The following PPP2R2B variants were observed in gnomAD, a reference collection of about 807,000 sequenced individuals.
The protein encoded by PPP2R2B is serine/threonine-protein phosphatase 2A 55 kDa regulatory subunit B beta isoform.
Under a neutral mutation model 46.0 loss-of-function variants are expected in PPP2R2B, and 5 were observed. The observed-to-expected ratio is 0.11, with a 90% CI of 0.06 to 0.23. PPP2R2B has a LOEUF of 0.23. PPP2R2B is among the 10% of genes least tolerant of loss of function. PPP2R2B has a pLI of 1.00. For synonymous variants in PPP2R2B, 215 were observed against 206.7 expected, an observed-to-expected ratio of 1.04 and a Z score of -0.34; for missense variants, 367 against 575.0, an observed-to-expected ratio of 0.64 and a Z score of 3.70.
intron 1 of PPP2R2B, among the ~76,000 whole-genome samples, chr5:147,016,733 T>A (rs1755025186): frequency 6.6e-6 from 1 of 151,456 alleles, no homozygotes; most frequent in Non-Finnish European, 1.5e-5. Context: ...TGAAAACTAG[T>A]CAAAAGAAGG....
At chr5:146,938,605 ATTTACATTTCATG>A (rs1236849283) in intron 1 of PPP2R2B, among the ~76,000 whole-genome samples, 2 of 152,158 alleles carry the variant, frequency 1.3e-5, no homozygotes, top group Admixed American at 6.5e-5. Context: ...GAAAAAATAT[ATTTACATTTCATG>A]TTTACATAGG....
rs528135562 is a variant in PPP2R2B at position 146,973,002 on chromosome 5, A to C, written c.79+82663T>G. 3.3e-5 allele frequency among the ~76,000 whole-genome samples: 5 copies of C among 152,234 alleles called. No homozygotes were observed. The South Asian group carries it at 1.0e-3, about 32-fold the overall frequency. ...AAAATTTTATGTAATAAAATGTATT[A>C]GTTTCTCTTATGAGTTATGGTTTAT... is the stretch of plus-strand genomic sequence containing the variant. On this transcript the variant is annotated intron_variant, in intron 1 of 8. Transcript: ENST00000336640.
At chr5:146,790,884 G>A (rs1756156168) in intron 2 of PPP2R2B, among the ~76,000 whole-genome samples, 4 of 152,184 alleles carry the variant, frequency 2.6e-5, no homozygotes, top group Admixed American at 2.6e-4. Flanking sequence ...TTGAGGAACA[G>A]TCAGACCTTC....
At chr5:147,056,020 G>T (rs1252912388), upstream of PPP2R2B, 4 of 1,251,364 alleles carry the variant, frequency 3.2e-6, no homozygotes, top group Non-Finnish European at 4.0e-6. Context: ...CCTCTGAACA[G>T]GATTTGCTGA....
chr5:146,590,396 G>GTT (rs1561746835), intron 9 of PPP2R2B, among the ~76,000 whole-genome samples, 170 bp from the exon 10 acceptor site: 1 of 125,762 alleles, frequency 8.0e-6, no homozygotes, highest in African/African-American at 3.2e-5. Flanking sequence ...TTTTTTTTTT[G>GTT]TGTTTTTTTT....
chr5:146,985,056 T>A (rs1387119731), intron 1 of PPP2R2B, among the ~76,000 whole-genome samples: 1 of 148,758 alleles, frequency 6.7e-6, no homozygotes, highest in Non-Finnish European at 1.5e-5. Context: ...AGTCTCACTC[T>A]GTCAACCAGG....
At chr5:146,709,447 G>A (rs1780093842) in intron 2 of PPP2R2B, among the ~76,000 whole-genome samples, 1 of 152,130 alleles carries the variant, frequency 6.6e-6, no homozygotes, top group Non-Finnish European at 1.5e-5. Context: ...CCACATACTT[G>A]CTTTTTAGCC....
chr5:146,738,310 G>T (rs1052939045), intron 2 of PPP2R2B, among the ~76,000 whole-genome samples: 3 of 149,480 alleles, frequency 2.0e-5, no homozygotes, highest in Non-Finnish European at 3.0e-5. Context: ...GCAGGAGAAC[G>T]GCATGAACTT....
chr5:146,707,144 C>T (rs1409804866), intron 2 of PPP2R2B: 9 of 1,597,218 alleles, frequency 5.6e-6, no homozygotes, highest in South Asian at 1.1e-5. Context: ...TTCAGCTTCT[C>T]CTGGCCCAGA....
At chr5:146,807,360 C>G (rs1326041984) in intron 2 of PPP2R2B, among the ~76,000 whole-genome samples, 1 of 152,146 alleles carries the variant, frequency 6.6e-6, no homozygotes, top group African/African-American at 2.4e-5. Context: ...CACATGAGAC[C>G]AGTCAGTTCT....
intron 9 of PPP2R2B, among the ~76,000 whole-genome samples, chr5:146,591,627 C>A (rs1007919252): frequency 2.0e-5 from 3 of 151,252 alleles, no homozygotes; most frequent in Admixed American, 2.0e-4. Context: ...CGTTTGCTTG[C>A]CCACCATGAC....
intron 7 of PPP2R2B, among the ~76,000 whole-genome samples, chr5:146,622,491 A>G (rs1350778017): frequency 6.6e-6 from 1 of 152,192 alleles, no homozygotes; most frequent in East Asian, 1.9e-4. Flanking sequence ...GCCTCTTTCT[A>G]TCTTCATTAA....
chr5:146,603,893 TC>T (rs1772018348), intron 7 of PPP2R2B, among the ~76,000 whole-genome samples: 1 of 152,194 alleles, frequency 6.6e-6, no homozygotes, highest in Non-Finnish European at 1.5e-5. Context: ...CTATCTGACT[TC>T]AAAATCTTTG....
At chr5:146,884,345 G>A (rs1191208927) in intron 1 of PPP2R2B, among the ~76,000 whole-genome samples, 1 of 152,062 alleles carries the variant, frequency 6.6e-6, no homozygotes, top group Non-Finnish European at 1.5e-5. Flanking sequence ...TCCATCAGAG[G>A]AAAATTGATG....
chr5:146,867,837 T>C (rs1312217167), intron 2 of PPP2R2B, among the ~76,000 whole-genome samples: 1 of 152,244 alleles, frequency 6.6e-6, no homozygotes, highest in Non-Finnish European at 1.5e-5. Flanking sequence ...ACTTCCTACA[T>C]AGCACTTGGC....
chr5:146,964,891 C>T (rs1270081516), intron 1 of PPP2R2B, among the ~76,000 whole-genome samples: 4 of 152,066 alleles, frequency 2.6e-5, no homozygotes, highest in Non-Finnish European at 5.9e-5. Flanking sequence ...CCTGGTCCTG[C>T]CATCTATTAT....
chr5:147,062,126 T>C (rs1283444657), intron 2 of PPP2R2B, among the ~76,000 whole-genome samples: 1 of 152,178 alleles, frequency 6.6e-6, no homozygotes, highest in Non-Finnish European at 1.5e-5. Context: ...ACCTTTTCTA[T>C]GTTTAGATAT....
intron 1 of PPP2R2B, among the ~76,000 whole-genome samples, chr5:146,970,998 C>T (rs776288823): frequency 1.3e-5 from 2 of 152,068 alleles, no homozygotes; most frequent in Non-Finnish European, 2.9e-5. Flanking sequence ...GAGATCCCTT[C>T]GAAACATTTT....
chr5:146,987,553 A>G (rs1753489152), intron 1 of PPP2R2B, among the ~76,000 whole-genome samples: 1 of 152,018 alleles, frequency 6.6e-6, no homozygotes, highest in Admixed American at 6.6e-5. Context: ...TCAGGTTATC[A>G]TCAGTTTAAA....
Sources: gnomAD v4.1 joint callset for allele counts (sites outside exome capture counted in the v4.1 genomes callset) on GRCh38, gnomAD v4.1.1 for gene constraint, MANE v1.5 for transcripts, NCBI Gene and HGNC (gene_info 2026-07-23, HGNC 2026-07-21) for gene names.